Variants in TSHR observed in about 807,000 individuals in gnomAD.
TSHR encodes thyroid stimulating hormone receptor.
In TSHR, 51 loss-of-function variants were observed where a neutral mutation model predicts 64.1. That is an observed-to-expected ratio of 0.80 (90% confidence interval 0.64 to 1.01). The LOEUF is 1.01. Ranked by LOEUF, TSHR falls within the 50% of genes least tolerant of loss-of-function variation. The pLI, the probability that TSHR is intolerant of heterozygous loss-of-function variation, is 0.00. For missense variants in TSHR, 877 were observed against 942.8 expected (o/e 0.93, Z 0.91); for synonymous variants, 361 against 361.9 (o/e 1.00, Z 0.03).
Position 81,143,771 on chromosome 14 carries a change from C to T in TSHR, c.1713C>T (p.Pro571=). The change falls in exon 10 of 10, where the codon CCC becomes CCT. Residue 571 remains proline, a synonymous_variant. Coordinates refer to ENST00000298171, the MANE Select transcript of TSHR (RefSeq NM_000369.5). Reference sequence around the variant, plus strand: ...ATGCCAAAGTCAGTATCTGCCTGCCCATGGACACCGAGACCCCTCTTGCTC... The same window carrying T: ...ATGCCAAAGTCAGTATCTGCCTGCCTATGGACACCGAGACCCCTCTTGCTC... The part of the protein sequence containing the change: ...SSYAKVSICL[P]MDTETPLALA... 1 of 1,613,872 alleles carries T rather than the reference C, an allele frequency of 6.2e-7. No homozygotes were observed. The highest frequency in any genetic ancestry group is 8.5e-7 in the Non-Finnish European group (1 of 1,179,980).
intron 2 of TSHR, among the ~76,000 whole-genome samples, chr14:81,063,827 G>A (rs1886410302): frequency 6.6e-6 from 1 of 151,910 alleles, no homozygotes; most frequent in South Asian, 2.1e-4. Context: ...TACCTACACA[G>A]GAGCAGGGAG....
chr14:81,109,976 A>T (rs538963277), intron 8 of TSHR, among the ~76,000 whole-genome samples: 12 of 152,372 alleles, frequency 7.9e-5, no homozygotes, highest in African/African-American at 2.9e-4. Flanking sequence ...TTCAAGATTA[A>T]GGTACTACTT....
chr14:81,143,960 C>A lies in TSHR; in HGVS notation c.1902C>A (p.Phe634Leu), dbSNP rs1891822984. The A allele has an allele frequency of 1.9e-6, 3 of 1,614,122 alleles. No individual in the cohort carries two copies. Among genetic ancestry groups the A allele is most frequent in the Non-Finnish European group, 2.5e-6 (3 of 1,180,054 alleles). ...TGGCTGTGTTGATCTTCACCGACTT[C>A]ATATGCATGGCCCCAATCTCATTCT... The part of the protein sequence containing the change: ...KRMAVLIFTD[F>L]ICMAPISFYA... The change falls in exon 10 of 10, where the codon TTC (phenylalanine) becomes TTA (leucine). Residue 634 changes from phenylalanine to leucine, a missense_variant. Phe to Leu is a conservative substitution (Grantham distance 22). Coordinates refer to ENST00000298171, the MANE Select transcript of TSHR (RefSeq NM_000369.5).
intron 1 of TSHR, chr14:80,982,997 C>T: frequency 1.9e-6 from 1 of 535,764 alleles, no homozygotes; most frequent in Non-Finnish European, 3.4e-6. Context: ...ACTACTGATC[C>T]TCTTGTTCAT....
rs138318204 is a variant in TSHR, at chr14:80,966,587, A to T, written c.170+10737A>T. 1.5e-3 allele frequency among the ~76,000 whole-genome samples: 221 copies of T among 152,308 alleles called. 2 individuals are homozygous for T. The East Asian group carries it at 0.019, about 13-fold the overall frequency. ...CATAACAGGAGAAAATAGCAAAAAAAAAAATAAAAATTTAAAAATTTAAAA... is the reference window on the plus strand; with the variant it reads ...CATAACAGGAGAAAATAGCAAAAAATAAAATAAAAATTTAAAAATTTAAAA... On this transcript the variant is annotated intron_variant, in intron 1 of 9. Coordinates refer to ENST00000298171, the MANE Select transcript of TSHR (RefSeq NM_000369.5).
At chr14:81,080,339 G>A (rs954461060) in intron 3 of TSHR, among the ~76,000 whole-genome samples, 1 of 152,166 alleles carries the variant, frequency 6.6e-6, no homozygotes, top group Non-Finnish European at 1.5e-5. Flanking sequence ...AGTACAATAA[G>A]ACTATATTTT....
Position 81,146,258 on chromosome 14 carries a change from G to A in TSHR, c.*1905G>A, listed in dbSNP as rs1035364511. 4.9e-6 allele frequency: 1 copy of A among 204,346 alleles called. No individual in the cohort carries two copies. 12.7% of individuals were successfully genotyped at this position (204,346 alleles called of 1,614,324 possible). A position where few individuals can be genotyped will look rare whatever the true frequency, so the allele number is the denominator to read the frequency against. On this transcript the variant is annotated 3_prime_UTR_variant, in exon 10 of 10. Coordinates refer to ENST00000298171, the MANE Select transcript of TSHR (RefSeq NM_000369.5). Reference sequence around the variant, plus strand: ...TTCAACAGAATTGTTACTAAAATTTGCACTCACAACATGAAATAAATTTTC... The same window carrying A: ...TTCAACAGAATTGTTACTAAAATTTACACTCACAACATGAAATAAATTTTC...
intron 8 of TSHR, among the ~76,000 whole-genome samples, chr14:81,138,549 T>A (rs1566832812): frequency 6.6e-6 from 1 of 152,158 alleles, no homozygotes; most frequent in Admixed American, 6.5e-5. Context: ...TATATTTTTT[T>A]AATTAAATAC....
intron 8 of TSHR, among the ~76,000 whole-genome samples, chr14:81,112,729 T>G (rs1260417668): frequency 1.3e-5 from 2 of 152,058 alleles, no homozygotes; most frequent in Non-Finnish European, 2.9e-5. Flanking sequence ...AAAAGCCTCA[T>G]CAAGAAGGTG....
intron 8 of TSHR, chr14:81,109,074 GT>G: frequency 9.9e-7 from 1 of 1,007,956 alleles, no homozygotes; most frequent in Non-Finnish European, 1.3e-6. Context: ...TTTTGCCTCA[GT>G]TTAGAATCTC....
chr14:81,041,734 G>A (rs1001574148), intron 1 of TSHR, among the ~76,000 whole-genome samples: 8 of 152,046 alleles, frequency 5.3e-5, no homozygotes, highest in Non-Finnish European at 8.8e-5. Flanking sequence ...TCATAATATT[G>A]TATTTTTTGT....
chr14:80,963,678 T>A (rs113506055), intron 1 of TSHR, among the ~76,000 whole-genome samples: 62 of 152,348 alleles, frequency 4.1e-4, no homozygotes, highest in African/African-American at 1.2e-3. Flanking sequence ...TTCAAATTCA[T>A]CTTGATGTCT....
At chr14:80,998,725 G>T (rs1351843544) in intron 1 of TSHR, among the ~76,000 whole-genome samples, 1 of 151,900 alleles carries the variant, frequency 6.6e-6, no homozygotes, top group Non-Finnish European at 1.5e-5. Flanking sequence ...CTAAGAAACA[G>T]TGTGTGCAAT....
chr14:81,037,841 T>C (rs775117019), intron 1 of TSHR, among the ~76,000 whole-genome samples: 4 of 151,412 alleles, frequency 2.6e-5, no homozygotes, highest in African/African-American at 9.7e-5. Flanking sequence ...TATTATAACA[T>C]CTAAAGAGTG....
At chr14:81,075,975 A>G (rs1034513573) in intron 3 of TSHR, among the ~76,000 whole-genome samples, 2 of 152,114 alleles carry the variant, frequency 1.3e-5, no homozygotes, top group Non-Finnish European at 2.9e-5. Context: ...ATAAAAAATG[A>G]TGAGTTCATG....
chr14:81,018,489 T>G (rs1335353074), intron 1 of TSHR, among the ~76,000 whole-genome samples: 1 of 152,160 alleles, frequency 6.6e-6, no homozygotes, highest in East Asian at 1.9e-4. Flanking sequence ...AGAGTTAAAT[T>G]GTTTCTGGAT....
chr14:81,135,076 C>G lies in TSHR; in HGVS notation c.693-4603C>G, dbSNP rs1464441986. On this transcript the variant is annotated intron_variant, in intron 8 of 9. Coordinates refer to ENST00000298171, the MANE Select transcript of TSHR (RefSeq NM_000369.5). ...AATTCTGAAGAAAGGCGATTTGCAACCTTAAATTTTATAGCCAGCTAAAGT... is the reference window on the plus strand; with the variant it reads ...AATTCTGAAGAAAGGCGATTTGCAAGCTTAAATTTTATAGCCAGCTAAAGT... Among the ~76,000 whole-genome samples, 6 of 152,120 alleles carry G rather than the reference C, an allele frequency of 3.9e-5. No individual in the cohort carries two copies. In the East Asian group the frequency reaches 1.2e-3, roughly 29 times the overall value.
chr14:81,104,896 C>T, intron 7 of TSHR: 1 of 985,406 alleles, frequency 1.0e-6, no homozygotes, highest in Non-Finnish European at 1.2e-6. Context: ...CTGTTGAACA[C>T]ATAGAGATGT....
At chr14:81,116,869 T>C (rs1175796575) in intron 8 of TSHR, among the ~76,000 whole-genome samples, 1 of 148,822 alleles carries the variant, frequency 6.7e-6, no homozygotes, top group African/African-American at 2.5e-5. Flanking sequence ...GAACTCAGGA[T>C]TAAGAATCTC....
Sources: allele counts gnomAD v4.1 joint callset (sites outside exome capture counted in the v4.1 genomes callset), GRCh38; gene constraint gnomAD v4.1.1; transcripts MANE v1.5; gene names NCBI Gene and HGNC (gene_info 2026-07-23, HGNC 2026-07-21).